LRRC28: variants seen among roughly 807,000 people sequenced by gnomAD.
LRRC28 encodes leucine-rich repeat-containing protein 28.
In LRRC28, 39 loss-of-function variants were observed where a neutral mutation model predicts 45.7. The observed-to-expected ratio is 0.85, with a 90% CI of 0.66 to 1.12. The LOEUF (loss-of-function observed/expected upper bound fraction) is 1.12, where lower values mean the gene tolerates loss of function less well. Ranked by LOEUF, LRRC28 falls within the 50% of genes most tolerant of loss-of-function variation. The pLI is 0.00. For synonymous variants in LRRC28, 206 were observed against 178.8 expected, an observed-to-expected ratio of 1.15 and a Z score of -1.22; for missense variants, 435 against 438.5, an observed-to-expected ratio of 0.99 and a Z score of 0.07.
chr15:99,292,615 C>G (rs539184516), intron 5 of LRRC28, among the ~76,000 whole-genome samples: 1 of 152,128 alleles, frequency 6.6e-6, no homozygotes, highest in Admixed American at 6.5e-5. Flanking sequence ...CCACCCGCCT[C>G]GGCCTCCCAA....
rs78003188 is a variant in LRRC28 at position 99,301,118 on chromosome 15, T to A, written c.385+13167T>A. 7.5e-3 allele frequency among the ~76,000 whole-genome samples: 1,149 copies of A among 152,332 alleles called. 11 individuals are homozygous for A. Among genetic ancestry groups the A allele is most frequent in the African/African-American group, 0.027 (1,117 of 41,562 alleles). On this transcript the variant is annotated intron_variant, in intron 5 of 9. Transcript: ENST00000301981. Reference sequence around the variant, plus strand: ...AGATAAATTTCTGTAACTCATTCTCTTTAAGTGAGAAGATCCAATAGCATA... The same window carrying A: ...AGATAAATTTCTGTAACTCATTCTCATTAAGTGAGAAGATCCAATAGCATA...
intron 5 of LRRC28, among the ~76,000 whole-genome samples, chr15:99,304,965 C>T (rs1457853482): frequency 6.6e-6 from 1 of 152,100 alleles, no homozygotes; most frequent in East Asian, 1.9e-4. Context: ...TGCCTCTTTT[C>T]AACAATATAG....
chr15:99,292,503 T>C (rs1005108054), intron 5 of LRRC28, among the ~76,000 whole-genome samples: 1 of 151,632 alleles, frequency 6.6e-6, no homozygotes, highest in Non-Finnish European at 1.5e-5. Context: ...TAGCTGGGAC[T>C]ACAGGCGCCC....
chr15:99,259,797 A>C, intron 2 of LRRC28: 1 of 1,036,508 alleles, frequency 9.6e-7, no homozygotes, highest in Non-Finnish European at 1.5e-6. Flanking sequence ...TGATTCGGTC[A>C]GGATGTCTTT....
chr15:99,349,159 A>T (rs1956791449), intron 6 of LRRC28, among the ~76,000 whole-genome samples: 2 of 152,064 alleles, frequency 1.3e-5, no homozygotes, highest in Non-Finnish European at 2.9e-5. Flanking sequence ...TGTATGTTCT[A>T]CTAGTTTTTT....
chr15:99,381,516 CCTT>C (rs1455235810), intron 9 of LRRC28, among the ~76,000 whole-genome samples: 2 of 152,222 alleles, frequency 1.3e-5, no homozygotes, highest in East Asian at 1.9e-4. Flanking sequence ...TCTTCTGAAG[CCTT>C]CTTCTCTCAA....
chr15:99,307,358 A>C (rs758887352), intron 5 of LRRC28, among the ~76,000 whole-genome samples: 6 of 152,200 alleles, frequency 3.9e-5, no homozygotes, highest in Non-Finnish European at 5.9e-5. Context: ...CCCATCCCAT[A>C]AATGCCATCC....
At chr15:99,335,167 T>C (rs1956282480) in intron 6 of LRRC28, among the ~76,000 whole-genome samples, 1 of 152,082 alleles carries the variant, frequency 6.6e-6, no homozygotes. Flanking sequence ...ATAAATAGAA[T>C]TAAAAAAATA....
chr15:99,285,257 AAT>A (rs975960836), intron 3 of LRRC28: 8 of 734,704 alleles, frequency 1.1e-5, no homozygotes, highest in African/African-American at 5.1e-5. Flanking sequence ...GTCATCAACA[AAT>A]ATCTTTTTCA....
chr15:99,292,261 C>G (rs1055469872), intron 5 of LRRC28, among the ~76,000 whole-genome samples: 3 of 152,124 alleles, frequency 2.0e-5, no homozygotes, highest in Admixed American at 1.3e-4. Flanking sequence ...ATTATCTCAG[C>G]TCTTTCTCTC....
intron 7 of LRRC28, among the ~76,000 whole-genome samples, chr15:99,356,429 C>T: frequency 6.6e-6 from 1 of 152,062 alleles, no homozygotes; most frequent in South Asian, 2.1e-4. Flanking sequence ...GACTTCATGG[C>T]AGAATGGTTG....
At chr15:99,385,254 G>C (rs1303088278) in intron 9 of LRRC28, among the ~76,000 whole-genome samples, 3 of 152,238 alleles carry the variant, frequency 2.0e-5, no homozygotes, top group Non-Finnish European at 4.4e-5. Flanking sequence ...AGGCAACTTT[G>C]CTGGTAAAGT....
intron 2 of LRRC28, chr15:99,259,199 G>C: frequency 9.0e-7 from 1 of 1,106,816 alleles, no homozygotes; most frequent in Non-Finnish European, 1.4e-6. Flanking sequence ...CCAGGATGTT[G>C]AAAGAATGAA....
chr15:99,333,866 T>G, intron 5 of LRRC28, 57 bp from the exon 6 acceptor site: 1 of 1,531,470 alleles, frequency 6.5e-7, no homozygotes, highest in South Asian at 1.1e-5. Context: ...ATTGATTCAT[T>G]TTGTTTATTT....
At chr15:99,293,222 A>G (rs1469744325) in intron 5 of LRRC28, among the ~76,000 whole-genome samples, 1 of 152,122 alleles carries the variant, frequency 6.6e-6, no homozygotes, top group Admixed American at 6.5e-5. Flanking sequence ...CTCCTTTTGT[A>G]CTACTGTGTC....
chr15:99,291,319 G>A (rs918059928), intron 5 of LRRC28, among the ~76,000 whole-genome samples: 1 of 152,182 alleles, frequency 6.6e-6, no homozygotes, highest in Non-Finnish European at 1.5e-5. Flanking sequence ...ATTTTGGATA[G>A]GAACTTTTGA....
intron 9 of LRRC28, among the ~76,000 whole-genome samples, chr15:99,369,810 G>C (rs574603120): frequency 2.6e-5 from 4 of 152,214 alleles, no homozygotes; most frequent in Non-Finnish European, 5.9e-5. Context: ...TTTGAGACAG[G>C]AACTGTAGGT....
At chr15:99,380,054 C>A (rs982890080) in intron 9 of LRRC28, among the ~76,000 whole-genome samples, 4 of 152,110 alleles carry the variant, frequency 2.6e-5, no homozygotes, top group African/African-American at 9.7e-5. Flanking sequence ...CTATTAGATC[C>A]ACTTGGTGCA....
At chr15:99,299,569 C>G (rs2082346554) in intron 5 of LRRC28, among the ~76,000 whole-genome samples, 1 of 152,196 alleles carries the variant, frequency 6.6e-6, no homozygotes, top group East Asian at 1.9e-4. Context: ...TGTGTTTCAA[C>G]TTGTTAAAGG....
Sources: allele counts gnomAD v4.1 joint callset (sites outside exome capture counted in the v4.1 genomes callset), GRCh38; gene constraint gnomAD v4.1.1; transcripts MANE v1.5; gene names NCBI Gene and HGNC (gene_info 2026-07-23, HGNC 2026-07-21).